PREP: variants seen among roughly 807,000 people sequenced by gnomAD.
PREP encodes the protein prolyl endopeptidase, also known as dJ355L5.1 (prolyl endopeptidase).
Under a neutral mutation model 87.6 loss-of-function variants are expected in PREP, and 29 were observed. That is an observed-to-expected ratio of 0.33 (90% confidence interval 0.25 to 0.45). The LOEUF (loss-of-function observed/expected upper bound fraction) is 0.45. Ranked by LOEUF, PREP falls within the 20% of genes least tolerant of loss-of-function variation. The pLI, the probability that PREP is intolerant of heterozygous loss-of-function variation, is 1.00. For missense variants in PREP, 695 were observed against 886.5 expected (o/e 0.78, Z 2.74); for synonymous variants, 337 against 328.6 (o/e 1.03, Z -0.28).
intron 13 of PREP, 33 bp from the exon 14 acceptor site, chr6:105,281,935 A>G (rs1355439597): frequency 6.2e-7 from 1 of 1,608,146 alleles, no homozygotes; most frequent in African/African-American, 1.3e-5. Context: ...AAAGGGAGGC[A>G]GTCTATCATT....
chr6:105,274,812 G>A lies in PREP; in HGVS notation c.*3332C>T, dbSNP rs1026890105. On this transcript the variant is annotated 3_prime_UTR_variant, in exon 15 of 15. Transcript: ENST00000652536. ...CCAAGGCCCAGCTCCTGGGGTTACT[G>A]CCCTGCCTGCCCACCTCCTGGCTGG... Among the ~76,000 whole-genome samples the A allele has an allele frequency of 6.6e-6, 1 of 152,112 alleles. No homozygotes were observed. The highest frequency in any genetic ancestry group is 2.1e-4 in the South Asian group (1 of 4,824).
chr6:105,382,826 CA>C (rs1482855935), intron 2 of PREP, among the ~76,000 whole-genome samples: 1 of 152,154 alleles, frequency 6.6e-6, no homozygotes, highest in Non-Finnish European at 1.5e-5. Flanking sequence ...TCTGAAATAC[CA>C]ATGAAAACTA....
chr6:105,291,276 A>G (rs1047817922), intron 10 of PREP, among the ~76,000 whole-genome samples: 1 of 152,252 alleles, frequency 6.6e-6, no homozygotes, highest in African/African-American at 2.4e-5. Flanking sequence ...GAAGATACCA[A>G]TGAAGTATGC....
At chr6:105,282,613 T>C (rs181497583) in intron 12 of PREP, 31 bp from the exon 13 acceptor site, 1 of 1,601,404 alleles carries the variant, frequency 6.2e-7, no homozygotes, top group Admixed American at 1.8e-5. Flanking sequence ...AGATAGTTAA[T>C]TAACAAAACA....
intron 7 of PREP, among the ~76,000 whole-genome samples, chr6:105,340,909 G>A (rs915066967): frequency 1.3e-5 from 2 of 151,140 alleles, no homozygotes; most frequent in Non-Finnish European, 2.9e-5. Context: ...AGAGACCTAC[G>A]AAGAGACTTA....
At chr6:105,348,419 G>C (rs756236754) in intron 7 of PREP, among the ~76,000 whole-genome samples, 1 of 152,190 alleles carries the variant, frequency 6.6e-6, no homozygotes, top group Non-Finnish European at 1.5e-5. Flanking sequence ...GAGTCCAATA[G>C]GGACTGCTCT....
chr6:105,342,733 C>A (rs1417678670), intron 7 of PREP, among the ~76,000 whole-genome samples: 1 of 152,140 alleles, frequency 6.6e-6, no homozygotes, highest in Non-Finnish European at 1.5e-5. Flanking sequence ...TTCCTATACA[C>A]CAATAACAGA....
chr6:105,312,402 A>C (rs1167909284), intron 10 of PREP, among the ~76,000 whole-genome samples: 2 of 152,358 alleles, frequency 1.3e-5, no homozygotes, highest in East Asian at 3.9e-4. Context: ...CAGCCTGAGA[A>C]GATGGTTTAA....
intron 7 of PREP, among the ~76,000 whole-genome samples, chr6:105,344,142 C>G (rs143766607): frequency 0.057 from 8,658 of 152,226 alleles, 287 homozygotes; most frequent in Middle Eastern, 0.095. Context: ...CAATGATAGA[C>G]TGGATTAAGA....
intron 5 of PREP, among the ~76,000 whole-genome samples, chr6:105,369,240 T>C (rs1772474114): frequency 6.6e-6 from 1 of 152,180 alleles, no homozygotes; most frequent in South Asian, 2.1e-4. Flanking sequence ...ATGAAATATT[T>C]AGGTATAAAT....
chr6:105,378,616 A>T (rs1772756081), intron 2 of PREP, among the ~76,000 whole-genome samples: 2 of 152,232 alleles, frequency 1.3e-5, no homozygotes, highest in Admixed American at 1.3e-4. Flanking sequence ...ATCCAAGCAC[A>T]CCCTATTTGT....
intron 2 of PREP, among the ~76,000 whole-genome samples, chr6:105,392,742 A>G (rs1329755985): frequency 6.6e-6 from 1 of 152,066 alleles, no homozygotes; most frequent in East Asian, 1.9e-4. Context: ...ATGCACGGCT[A>G]ATTTTTGTAT....
chr6:105,343,652 A>T (rs1184372236), intron 7 of PREP, among the ~76,000 whole-genome samples: 1 of 150,324 alleles, frequency 6.7e-6, no homozygotes, highest in Admixed American at 6.6e-5. Context: ...AATATCTAGA[A>T]TCTACAAAGA....
rs1770002599 is a variant in PREP at position 105,278,649 on chromosome 6, AAAGACTGTAGG to A, written c.1839-222_1839-212del. 6.6e-6 allele frequency among the ~76,000 whole-genome samples: 1 copy of A among 152,172 alleles called. No individual in the cohort carries two copies. The highest frequency in any genetic ancestry group is 1.5e-5 in the Non-Finnish European group (1 of 68,036). On this transcript the variant is annotated intron_variant, in intron 14 of 14. Transcript: ENST00000652536. The surrounding 1 kb of genome is among the most constrained non-coding windows in gnomAD (Gnocchi z 4.2). The stretch of plus-strand genomic sequence containing the variant: ...TGTCATTTATGTGGCTCCAACTTTG[AAAGACTGTAGG>A]AAGGAAGCTCACAGGTCTGTTGAAA...
At chr6:105,282,003 T>C (rs1232249912) in intron 13 of PREP, 101 bp from the exon 14 acceptor site, 2 of 1,389,108 alleles carry the variant, frequency 1.4e-6, no homozygotes, top group Admixed American at 4.7e-5. Flanking sequence ...AGAGCCCTGG[T>C]TGCATTTATC....
intron 6 of PREP, among the ~76,000 whole-genome samples, chr6:105,363,610 C>T (rs1772307529): frequency 6.6e-6 from 1 of 152,210 alleles, no homozygotes; most frequent in Non-Finnish European, 1.5e-5. Flanking sequence ...ATGTGGGAGG[C>T]TTCCCGAGGT....
intron 10 of PREP, among the ~76,000 whole-genome samples, chr6:105,320,303 T>C (rs1247162974): frequency 1.3e-5 from 2 of 152,210 alleles, no homozygotes; most frequent in Non-Finnish European, 1.5e-5. Flanking sequence ...TAGGATCAGA[T>C]TTTCAAAACT....
chr6:105,381,975 G>T (rs9500088), intron 2 of PREP, among the ~76,000 whole-genome samples: 36,683 of 152,036 alleles, frequency 0.24, 6,474 homozygotes, highest in African/African-American at 0.5. Flanking sequence ...AATGTCTTCA[G>T]AAAATTTTTT....
chr6:105,317,482 G>A (rs928418432), intron 10 of PREP, among the ~76,000 whole-genome samples: 11 of 152,152 alleles, frequency 7.2e-5, no homozygotes, highest in South Asian at 2.1e-4. Flanking sequence ...TCTAATGTAC[G>A]TGCAATTGGA....
Sources: allele counts gnomAD v4.1 joint callset (sites outside exome capture counted in the v4.1 genomes callset), GRCh38; gene constraint gnomAD v4.1.1; non-coding constraint Gnocchi (gnomAD v3.1); transcripts MANE v1.5; gene names NCBI Gene and HGNC (gene_info 2026-07-23, HGNC 2026-07-21).